Variants in RBM44 observed in about 807,000 individuals in gnomAD.
The protein encoded by RBM44 is RNA binding motif protein 44.
RBM44 carries 66 observed loss-of-function variants against 105.1 expected under a neutral mutation model. That is an observed-to-expected ratio of 0.63 (90% CI 0.52 to 0.77). The LOEUF (loss-of-function observed/expected upper bound fraction) is 0.77, where lower values mean the gene tolerates loss of function less well. Among genes scored for constraint, RBM44 ranks in the 30% least tolerant of loss-of-function variants. RBM44 has a pLI of 0.00. For missense variants in RBM44, 1,122 were observed against 1,207.8 expected, an observed-to-expected ratio of 0.93 and a Z score of 1.05; for synonymous variants, 365 against 417.6, an observed-to-expected ratio of 0.87 and a Z score of 1.54.
Position 237,823,452 on chromosome 2 carries a change from T to C in RBM44, c.2218T>C (p.Ser740Pro), listed in dbSNP as rs1465803520. The change falls in exon 9 of 16, where the codon TCT becomes CCT. Residue 740 changes from serine to proline, a missense_variant. Ser to Pro is a moderately conservative substitution (Grantham distance 74). This residue lies in a region of RBM44 where 918 missense variants were observed against 955.3 expected (regional missense o/e 0.96). Transcript: ENST00000316997. ...KKTLSQMSLS[S>P]DNSHATQNIS... ...TCTTAATCCTCAGATGTCTTTATCA[T>C]CTGACAATAGTCATGCTACACAAAA... The C allele has an allele frequency of 6.8e-7, 1 of 1,470,306 alleles. No individual in the cohort carries two copies. The highest frequency in any genetic ancestry group is 2.0e-5 in the Admixed American group (1 of 48,962). The allele number at this position is 1,470,306 out of a possible 1,614,324, so 91.1% of individuals were successfully genotyped here. A position where few individuals can be genotyped will look rare whatever the true frequency, so the allele number is the denominator to read the frequency against.
rs891616336 is a variant in RBM44 at position 237,842,541 on chromosome 2, T to C, written c.*725T>C. Reference sequence around the variant, plus strand: ...TTTGTGAAAAGTTTTGTTGTATTGTTAGAACAATTTTCAAAGGCTGATTTT... The same window carrying C: ...TTTGTGAAAAGTTTTGTTGTATTGTCAGAACAATTTTCAAAGGCTGATTTT... On this transcript the variant is annotated 3_prime_UTR_variant, in exon 16 of 16. Transcript: ENST00000316997. 2 of 152,124 alleles carry C rather than the reference T, an allele frequency of 1.3e-5. No individual in the cohort carries two copies. The highest frequency in any genetic ancestry group is 1.3e-4 in the Admixed American group (2 of 15,270). The allele number at this position is 152,124 out of a possible 1,614,324, so 9.4% of individuals were successfully genotyped here.
At chr2:237,837,758 C>G (rs553872647) in intron 15 of RBM44, among the ~76,000 whole-genome samples, 1 of 145,688 alleles carries the variant, frequency 6.9e-6, no homozygotes, top group African/African-American at 2.4e-5. Flanking sequence ...AATTCTCCCA[C>G]TCAGCCTCCC....
chr2:237,816,912 A>G (rs951022507), intron 2 of RBM44, 81 bp from the exon 3 acceptor site: 2 of 868,362 alleles, frequency 2.3e-6, no homozygotes, highest in Admixed American at 6.1e-5. Flanking sequence ...GGAAGAGCTT[A>G]AACCAGATCA....
At position 237,808,174 on chromosome 2, in the gene RBM44, C is replaced by T. The variant is rs118064026; in HGVS notation, c.-18-5418C>T. ...TACATTAAAAATGGCATTACAGGGC[C>T]GAGTGCAGTGGCTCAGGCTTGTAAT... On this transcript the variant is annotated intron_variant, in intron 1 of 15. Transcript: ENST00000316997. 8.0e-4 allele frequency among the ~76,000 whole-genome samples: 121 copies of T among 151,980 alleles called. No homozygotes were observed. In the East Asian group the frequency reaches 0.011, roughly 14 times the overall value.
At chr2:237,802,756 A>C (rs1269049482) in intron 1 of RBM44, among the ~76,000 whole-genome samples, 1 of 152,198 alleles carries the variant, frequency 6.6e-6, no homozygotes, top group Non-Finnish European at 1.5e-5. Context: ...AGGCTCAGTC[A>C]TTACTGAATA....
At chr2:237,822,225 G>A (rs1161242626) in intron 8 of RBM44, among the ~76,000 whole-genome samples, 1 of 152,010 alleles carries the variant, frequency 6.6e-6, no homozygotes, top group African/African-American at 2.4e-5. Context: ...TAATAATTCA[G>A]TCATTTTAGA....
chr2:237,824,432 G>T lies in RBM44; in HGVS notation c.2449+13G>T. The T allele has an allele frequency of 1.9e-6, 3 of 1,608,996 alleles. No individual in the cohort carries two copies. The highest frequency in any genetic ancestry group is 1.3e-5 in the African/African-American group (1 of 74,858). On this transcript the variant is annotated intron_variant, in intron 10 of 15. Transcript: ENST00000316997. ...GATCTTACAGGAGGTTGGTTCTCAA[G>T]AATTTACCGAGAAATCCTAACCTAG...
At chr2:237,837,403 A>G (rs763394115) in intron 15 of RBM44, among the ~76,000 whole-genome samples, 1 of 152,238 alleles carries the variant, frequency 6.6e-6, no homozygotes, top group African/African-American at 2.4e-5. Context: ...ACCATTCTAG[A>G]TGCCATTAAG....
intron 9 of RBM44, among the ~76,000 whole-genome samples, chr2:237,823,819 A>G (rs185647036): frequency 3.6e-4 from 55 of 152,190 alleles, no homozygotes; most frequent in African/African-American, 1.3e-3. Flanking sequence ...CTTGTATCTA[A>G]TTTGTATCTC....
chr2:237,813,693 A>G lies in RBM44; in HGVS notation c.73+11A>G. On this transcript the variant is annotated intron_variant, in intron 2 of 15. Transcript: ENST00000316997. Reference sequence around the variant, plus strand: ...GCAACCTCCAAAAAGGTAAGGGTCTAGTCCACTTACCCTTATTCTTGGTGG... The same window carrying G: ...GCAACCTCCAAAAAGGTAAGGGTCTGGTCCACTTACCCTTATTCTTGGTGG... 6.4e-7 allele frequency: 1 copy of G among 1,551,538 alleles called. No individual in the cohort carries two copies. The highest frequency in any genetic ancestry group is 2.2e-5 in the East Asian group (1 of 44,562).
chr2:237,835,995 A>G (rs375477747), intron 15 of RBM44, among the ~76,000 whole-genome samples: 1 of 152,220 alleles, frequency 6.6e-6, no homozygotes, highest in African/African-American at 2.4e-5. Flanking sequence ...TCTAAGTTAG[A>G]TAATTGATGA....
rs1183941387 is a variant in RBM44 at position 237,827,271 on chromosome 2, C to T, written c.2471C>T (p.Ser824Leu). 1 of 1,586,980 alleles carries T rather than the reference C, an allele frequency of 6.3e-7. No homozygotes were observed. Among genetic ancestry groups the T allele is most frequent in the Non-Finnish European group, 8.6e-7 (1 of 1,160,500 alleles). The change falls in exon 11 of 16, where the codon TCA becomes TTA. Residue 824 changes from serine to leucine, a missense_variant. Coordinates refer to ENST00000316997, the MANE Select transcript of RBM44 (RefSeq NM_001080504.3). Reference protein sequence around the residue: ...LTGEMKNVEPSQRDKGYLIHV... With the variant: ...LTGEMKNVEPLQRDKGYLIHV... ...GCAGAAATGAAGAATGTTGAACCCT[C>T]ACAAAGAGATAAAGGTTATTTGATA...
Position 237,827,446 on chromosome 2 carries a change from C to A in RBM44, c.2543C>A (p.Ser848Tyr). 1 of 1,530,386 alleles carries A rather than the reference C, an allele frequency of 6.5e-7. No individual in the cohort carries two copies. Among genetic ancestry groups the A allele is most frequent in the Non-Finnish European group, 8.9e-7 (1 of 1,128,640 alleles). The allele number at this position is 1,530,386 out of a possible 1,614,324, so 94.8% of individuals were successfully genotyped here. ...CTCTTCTTTTAGGCCGATTTAAGGT[C>A]TCATTTCCAAAAATACCAAGTTTCT... ...CPSVSEADLRSHFQKYQVSEI... is the reference protein window; with the variant it reads ...CPSVSEADLRYHFQKYQVSEI... Residue 848 changes from serine (S) to tyrosine (Y), a missense_variant, in exon 12 of 16, where the codon TCT becomes TAT. Physicochemically the swap from Ser to Tyr is moderately radical, Grantham distance 144. This residue lies in a region of RBM44 where 10 missense variants were observed against 27.0 expected (regional missense o/e 0.37). Coordinates refer to ENST00000316997, the MANE Select transcript of RBM44 (RefSeq NM_001080504.3).
At chr2:237,812,883 A>T (rs1181298211) in intron 1 of RBM44, among the ~76,000 whole-genome samples, 1 of 152,302 alleles carries the variant, frequency 6.6e-6, no homozygotes, top group Middle Eastern at 3.4e-3. Flanking sequence ...GGATATCCCG[A>T]TTACCCTGAG....
chr2:237,814,531 A>T (rs1318500319), intron 2 of RBM44, among the ~76,000 whole-genome samples: 1 of 152,138 alleles, frequency 6.6e-6, no homozygotes, highest in African/African-American at 2.4e-5. Context: ...AAATAAACTT[A>T]AAAAAATCTA....
At position 237,820,264 on chromosome 2, in the gene RBM44, A is replaced by T; in HGVS notation, c.1826A>T (p.His609Leu). 6.2e-7 allele frequency: 1 copy of T among 1,600,656 alleles called. No individual in the cohort carries two copies. Among genetic ancestry groups the T allele is most frequent in the Non-Finnish European group, 8.5e-7 (1 of 1,171,658 alleles). Residue 609 changes from histidine (H) to leucine (L), a missense_variant, in exon 5 of 16, where the codon CAC becomes CTC. By Grantham distance (99) the His-to-Leu change is moderately conservative. This residue lies in a region of RBM44 where 918 missense variants were observed against 955.3 expected (regional missense o/e 0.96). Transcript: ENST00000316997. ...IMQRAIKAEL[H>L]LLNVHYQMCR... is the part of the protein sequence containing the mutation. ...CAGAGAGCCATAAAAGCAGAGCTGC[A>T]CCTTTTAAATGTTCACTATCAGATG... is the stretch of plus-strand genomic sequence containing the variant.
At chr2:237,840,317 A>G (rs2150994002) in intron 15 of RBM44, among the ~76,000 whole-genome samples, 1 of 152,300 alleles carries the variant, frequency 6.6e-6, no homozygotes, top group South Asian at 2.1e-4. Flanking sequence ...AGCAATGGAG[A>G]AAGGACTCCC....
chr2:237,823,838 G>T (rs949180612), intron 9 of RBM44, among the ~76,000 whole-genome samples: 15 of 151,996 alleles, frequency 9.9e-5, no homozygotes, highest in African/African-American at 3.6e-4. Flanking sequence ...TCTGTAAATT[G>T]TGTGCATTTT....
intron 10 of RBM44, among the ~76,000 whole-genome samples, chr2:237,826,930 G>A (rs1165638504): frequency 6.6e-6 from 1 of 152,078 alleles, no homozygotes; most frequent in African/African-American, 2.4e-5. Flanking sequence ...CCTAGAACCA[G>A]TCCCCCAGGG....
Sources: allele counts gnomAD v4.1 joint callset (sites outside exome capture counted in the v4.1 genomes callset), GRCh38; gene constraint gnomAD v4.1.1; regional missense constraint gnomAD v4.1.1; transcripts MANE v1.5; gene names NCBI Gene and HGNC (gene_info 2026-07-23, HGNC 2026-07-21).